FNIP2: variants seen among roughly 807,000 people sequenced by gnomAD.
FNIP2 encodes the protein folliculin-interacting protein 2.
FNIP2 carries 32 observed loss-of-function variants against 108.7 expected under a neutral mutation model. The ratio of observed to expected loss-of-function variants is 0.29; its 90% CI spans 0.22 to 0.40. The LOEUF (loss-of-function observed/expected upper bound fraction) is 0.40. Among genes scored for constraint, FNIP2 ranks in the 10% least tolerant of loss-of-function variants. FNIP2 has a pLI of 1.00. For missense variants in FNIP2, 1,202 were observed against 1,381.6 expected (o/e 0.87, Z 2.06); for synonymous variants, 480 against 496.7 (o/e 0.97, Z 0.45).
chr4:158,860,740 T>C (rs995664661), intron 10 of FNIP2, among the ~76,000 whole-genome samples: 8 of 150,154 alleles, frequency 5.3e-5, no homozygotes, highest in Non-Finnish European at 5.9e-5. Context: ...CGCTGCAACC[T>C]TCACCTCCTG....
intron 12 of FNIP2, among the ~76,000 whole-genome samples, chr4:158,864,858 C>T (rs2126690195): frequency 6.6e-6 from 1 of 152,120 alleles, no homozygotes; most frequent in Middle Eastern, 3.4e-3. Context: ...TCATTTTGCA[C>T]CTCTCTAACA....
At chr4:158,826,101 C>G (rs182504324) in intron 2 of FNIP2, 59 bp downstream of exon 2, 1 of 1,559,928 alleles carries the variant, frequency 6.4e-7, no homozygotes, top group African/African-American at 1.4e-5. Context: ...CCCTTCTGAT[C>G]AATCATTTAT....
At chr4:158,792,248 A>C (rs894674902) in intron 1 of FNIP2, among the ~76,000 whole-genome samples, 3 of 152,236 alleles carry the variant, frequency 2.0e-5, no homozygotes, top group African/African-American at 7.2e-5. Flanking sequence ...GGACATATGC[A>C]GAGTGGCAAA....
intron 1 of FNIP2, among the ~76,000 whole-genome samples, chr4:158,771,732 G>A (rs1055994406): frequency 6.6e-6 from 1 of 152,198 alleles, no homozygotes; most frequent in Admixed American, 6.5e-5. Context: ...TAGTGTATAT[G>A]GGGGAGAATC....
At chr4:158,853,207 AG>A in intron 8 of FNIP2, among the ~76,000 whole-genome samples, 1 of 152,266 alleles carries the variant, frequency 6.6e-6, no homozygotes, top group African/African-American at 2.4e-5. Flanking sequence ...TAGTCATCAA[AG>A]TTTATAGTTT....
chr4:158,799,320 A>G (rs996986329), intron 1 of FNIP2, among the ~76,000 whole-genome samples: 1 of 152,246 alleles, frequency 6.6e-6, no homozygotes, highest in Non-Finnish European at 1.5e-5. Flanking sequence ...GAGATAGCCA[A>G]GAGTTCTCTG....
rs535328604 is a variant in FNIP2, at chr4:158,775,607, C to G, written c.107+6288C>G. 4.6e-5 allele frequency among the ~76,000 whole-genome samples: 7 copies of G among 152,244 alleles called. No individual in the cohort carries two copies. The East Asian group carries it at 1.2e-3, about 25-fold the overall frequency. On this transcript the variant is annotated intron_variant, in intron 1 of 16. Transcript: ENST00000264433. ...GATGGAAGGAGATGGGCTGGCACCCCACTTGTGTTCAGCCAGAATCTGTCC... is the reference window on the plus strand; with the variant it reads ...GATGGAAGGAGATGGGCTGGCACCCGACTTGTGTTCAGCCAGAATCTGTCC...
At chr4:158,791,482 A>G (rs1350318760) in intron 1 of FNIP2, among the ~76,000 whole-genome samples, 5 of 151,868 alleles carry the variant, frequency 3.3e-5, no homozygotes, top group South Asian at 2.1e-4. Flanking sequence ...GGGTTTCTCC[A>G]TGTTGGCCAG....
At chr4:158,849,662 C>T (rs1403749667) in intron 7 of FNIP2, among the ~76,000 whole-genome samples, 3 of 152,116 alleles carry the variant, frequency 2.0e-5, no homozygotes, top group Admixed American at 2.0e-4. Flanking sequence ...AAGCTCTCTT[C>T]TAACTCCTTT....
chr4:158,831,910 G>A lies in FNIP2; in HGVS notation c.431G>A (p.Gly144Asp). Residue 144 changes from glycine (G) to aspartate (D), a missense_variant, in exon 4 of 17, where the codon GGC becomes GAC. Physicochemically the swap from Gly to Asp is moderately conservative, Grantham distance 94 (BLOSUM62 -1). Coordinates refer to ENST00000264433, the MANE Select transcript of FNIP2 (RefSeq NM_020840.3). ...AACATGTTAGGGGAAATGATGTTTG[G>A]CTCAGTTGCCATGAGTTACAAAGGC... is the stretch of plus-strand genomic sequence containing the variant. ...DVNMLGEMMF[G>D]SVAMSYKGST... 1 of 1,612,180 alleles carries A rather than the reference G, an allele frequency of 6.2e-7. No individual in the cohort carries two copies. Among genetic ancestry groups the A allele is most frequent in the Non-Finnish European group, 8.5e-7 (1 of 1,179,080 alleles).
intron 1 of FNIP2, among the ~76,000 whole-genome samples, chr4:158,803,932 T>TTTTTG (rs899603305): frequency 2.6e-5 from 4 of 152,078 alleles, no homozygotes; most frequent in African/African-American, 4.8e-5. Context: ...CATATCATAG[T>TTTTTG]TTTTGTTTTG....
At chr4:158,790,895 G>A (rs1776392163) in intron 1 of FNIP2, among the ~76,000 whole-genome samples, 1 of 151,688 alleles carries the variant, frequency 6.6e-6, no homozygotes, top group East Asian at 1.9e-4. Context: ...CTTATTTGGA[G>A]AGTTAGATGC....
chr4:158,845,094 CAA>C (rs1779327660), intron 7 of FNIP2, among the ~76,000 whole-genome samples: 2 of 152,170 alleles, frequency 1.3e-5, no homozygotes, highest in South Asian at 4.1e-4. Flanking sequence ...ACAAAACTGC[CAA>C]AGTCTTTGCA....
At chr4:158,769,394 AGGG>A (rs1775616742) in intron 1 of FNIP2, 75 bp downstream of exon 1, 1 of 1,040,290 alleles carries the variant, frequency 9.6e-7, no homozygotes, top group African/African-American at 1.7e-5. Flanking sequence ...GGGGACGGGT[AGGG>A]GAAAGGGAAG....
At chr4:158,902,640 C>A (rs915148293) in intron 16 of FNIP2, among the ~76,000 whole-genome samples, 4 of 152,368 alleles carry the variant, frequency 2.6e-5, no homozygotes, top group African/African-American at 7.2e-5. Flanking sequence ...TATCTATAAA[C>A]CCCTAACTGG....
intron 14 of FNIP2, among the ~76,000 whole-genome samples, chr4:158,882,661 C>A (rs975800037): frequency 1.3e-5 from 2 of 152,192 alleles, no homozygotes; most frequent in African/African-American, 2.4e-5. Context: ...AAGAAAAATT[C>A]TTCTGCCTTG....
chr4:158,893,602 A>G (rs1252152182), intron 15 of FNIP2: 3 of 1,061,676 alleles, frequency 2.8e-6, no homozygotes, highest in Non-Finnish European at 4.2e-6. Flanking sequence ...TCCTGGGGCA[A>G]TATGAGAAGC....
intron 15 of FNIP2, among the ~76,000 whole-genome samples, chr4:158,892,141 CTTT>C (rs34895070): frequency 4.4e-5 from 5 of 113,506 alleles, no homozygotes; most frequent in Admixed American, 9.4e-5. Context: ...TCAATTGTTG[CTTT>C]TTTTTTTTTT....
intron 12 of FNIP2, 119 bp from the exon 13 acceptor site, chr4:158,867,983 T>C (rs1056671312): frequency 3.1e-5 from 42 of 1,374,964 alleles, no homozygotes; most frequent in Non-Finnish European, 4.0e-5. Context: ...ATCATGAGTC[T>C]GAAGCAGGGA....
Sources: gnomAD v4.1 joint callset for allele counts (sites outside exome capture counted in the v4.1 genomes callset) on GRCh38, gnomAD v4.1.1 for gene constraint, MANE v1.5 for transcripts, NCBI Gene and HGNC (gene_info 2026-07-23, HGNC 2026-07-21) for gene names.